QTMAN: variants seen among roughly 807,000 people sequenced by gnomAD.
QTMAN encodes tRNA-queuosine alpha-mannosyltransferase.
chr2:143,977,229 G>T, the QTMAN span, among the ~76,000 whole-genome samples: 1 of 152,190 alleles, frequency 6.6e-6, no homozygotes, highest in African/African-American at 2.4e-5. Context: ...TGGGCTGGAG[G>T]AGAGGGGGAG....
At chr2:144,041,192 G>A in the QTMAN span, among the ~76,000 whole-genome samples, 1 of 152,142 alleles carries the variant, frequency 6.6e-6, no homozygotes, top group Non-Finnish European at 1.5e-5. Flanking sequence ...ATAACCAGAA[G>A]TTAAGAGTTC....
the QTMAN span, among the ~76,000 whole-genome samples, chr2:144,183,367 C>G: frequency 2.0e-5 from 3 of 152,156 alleles, no homozygotes; most frequent in South Asian, 4.1e-4. Context: ...AGACTAGTAT[C>G]TGGTACATGT....
At chr2:144,182,811 ATATATAT>A in the QTMAN span, among the ~76,000 whole-genome samples, 7 of 61,978 alleles carry the variant, frequency 1.1e-4, no homozygotes, top group East Asian at 4.4e-4. Context: ...TATATATAAT[ATATATAT>A]TATATATATA....
At chr2:144,214,390 C>T in the QTMAN span, among the ~76,000 whole-genome samples, 2 of 152,042 alleles carry the variant, frequency 1.3e-5, no homozygotes, top group South Asian at 2.1e-4. Context: ...AGTCATAAAA[C>T]TCTATGCACT....
the QTMAN span, among the ~76,000 whole-genome samples, chr2:144,325,696 C>A: frequency 6.6e-6 from 1 of 151,090 alleles, no homozygotes; most frequent in Admixed American, 6.6e-5. Context: ...CTTAAAAATA[C>A]CACTGCAAAA....
the QTMAN span, among the ~76,000 whole-genome samples, chr2:143,968,195 C>A: frequency 1.2e-4 from 19 of 152,270 alleles, no homozygotes; most frequent in Admixed American, 6.5e-4. Flanking sequence ...TAGAGATGAA[C>A]CAGTGGCTGA....
the QTMAN span, among the ~76,000 whole-genome samples, chr2:144,218,809 C>T: frequency 1.3e-5 from 2 of 148,816 alleles, no homozygotes; most frequent in Non-Finnish European, 3.0e-5. Context: ...ATAAATGTCA[C>T]TGAGTATAAG....
the QTMAN span, among the ~76,000 whole-genome samples, chr2:144,245,399 T>C: frequency 6.6e-6 from 1 of 152,218 alleles, no homozygotes; most frequent in Admixed American, 6.5e-5. Context: ...GTTTGTAATG[T>C]TGAAAATTTG....
chr2:144,021,258 A>G, the QTMAN span, among the ~76,000 whole-genome samples: 2 of 152,212 alleles, frequency 1.3e-5, no homozygotes, highest in Non-Finnish European at 2.9e-5. Context: ...AAGGAGTCAG[A>G]AAAGTCTAAA....
At chr2:143,988,523 T>A in the QTMAN span, among the ~76,000 whole-genome samples, 2 of 152,386 alleles carry the variant, frequency 1.3e-5, no homozygotes, top group East Asian at 3.9e-4. Flanking sequence ...ATAGCTCTGA[T>A]ATGAATCAGG....
chr2:144,083,958 G>C, the QTMAN span, among the ~76,000 whole-genome samples: 1 of 152,020 alleles, frequency 6.6e-6, no homozygotes. Flanking sequence ...ATAAACATGT[G>C]GTCTGCTTGT....
At chr2:144,199,208 C>T in the QTMAN span, among the ~76,000 whole-genome samples, 1 of 152,052 alleles carries the variant, frequency 6.6e-6, no homozygotes, top group Non-Finnish European at 1.5e-5. Context: ...CCACTACGCC[C>T]GGCTAATTTT....
At chr2:144,253,391 T>C in the QTMAN span, among the ~76,000 whole-genome samples, 2 of 151,970 alleles carry the variant, frequency 1.3e-5, no homozygotes, top group Admixed American at 6.6e-5. Context: ...GACTTTGGAA[T>C]TGGGTAACAA....
At chr2:144,194,137 G>T in the QTMAN span, among the ~76,000 whole-genome samples, 1 of 152,096 alleles carries the variant, frequency 6.6e-6, no homozygotes, top group Admixed American at 6.6e-5. Context: ...GAGCAAATCA[G>T]TCACTTAGGG....
At chr2:144,219,031 T>C in the QTMAN span, among the ~76,000 whole-genome samples, 2 of 149,370 alleles carry the variant, frequency 1.3e-5, no homozygotes, top group South Asian at 2.1e-4. Flanking sequence ...GAACTAGAAA[T>C]AGATATCCTT....
At chr2:143,986,432 T>C in the QTMAN span, among the ~76,000 whole-genome samples, 8 of 152,326 alleles carry the variant, frequency 5.3e-5, no homozygotes, top group African/African-American at 1.7e-4. Flanking sequence ...GGAATCTAAA[T>C]TCTAATCAAG....
chr2:144,088,448 C>A, the QTMAN span, among the ~76,000 whole-genome samples: 1 of 152,050 alleles, frequency 6.6e-6, no homozygotes, highest in Admixed American at 6.6e-5. Flanking sequence ...CAATGTCATT[C>A]TTCACAGAAT....
At chr2:144,021,855 T>C in the QTMAN span, among the ~76,000 whole-genome samples, 4 of 151,722 alleles carry the variant, frequency 2.6e-5, no homozygotes, top group Admixed American at 1.3e-4. Flanking sequence ...ATTGGAAAAA[T>C]AGGGTGAGGG....
the QTMAN span, among the ~76,000 whole-genome samples, chr2:144,287,540 G>C: frequency 6.6e-6 from 1 of 151,614 alleles, no homozygotes; most frequent in Non-Finnish European, 1.5e-5. Flanking sequence ...ATTATATAAA[G>C]ATTAGAGGAA....
Sources: allele counts gnomAD v4.1 joint callset (sites outside exome capture counted in the v4.1 genomes callset), GRCh38; gene constraint gnomAD v4.1.1; transcripts MANE v1.5; gene names NCBI Gene and HGNC (gene_info 2026-07-23, HGNC 2026-07-21).